E2F5: variants seen among roughly 807,000 people sequenced by gnomAD.
E2F5 encodes E2F transcription factor 5.
In E2F5, 23 loss-of-function variants were observed where a neutral mutation model predicts 39.1. The observed-to-expected ratio is 0.59, with a 90% CI of 0.42 to 0.83. E2F5 has a LOEUF of 0.83. Among genes scored for constraint, E2F5 ranks in the 40% least tolerant of loss-of-function variants. The pLI is 0.00. For missense variants in E2F5, 365 were observed against 406.7 expected, an observed-to-expected ratio of 0.90 and a Z score of 0.88; for synonymous variants, 145 against 157.8, an observed-to-expected ratio of 0.92 and a Z score of 0.61.
chr8:85,194,517 T>C lies in E2F5; in HGVS notation c.235-7630T>C, dbSNP rs114199072. 3.9e-3 allele frequency among the ~76,000 whole-genome samples: 595 copies of C among 151,284 alleles called. 4 individuals are homozygous for C. The highest frequency in any genetic ancestry group is 0.014 in the African/African-American group (558 of 41,254). ...TAACTTAGGTTTATCTCTTTGTTGTTTTTTTGTTTGTTTCTCTTTTTTTTT... is the reference window on the plus strand; with the variant it reads ...TAACTTAGGTTTATCTCTTTGTTGTCTTTTTGTTTGTTTCTCTTTTTTTTT... On this transcript the variant is annotated intron_variant, in intron 1 of 7. Coordinates refer to ENST00000416274, the MANE Select transcript of E2F5 (RefSeq NM_001951.4).
intron 1 of E2F5, among the ~76,000 whole-genome samples, chr8:85,195,049 C>T (rs1055921856): frequency 7.9e-5 from 12 of 151,856 alleles, no homozygotes; most frequent in Non-Finnish European, 1.5e-5. Context: ...ACCTCAGAGC[C>T]CATGTTCCTA....
intron 1 of E2F5, among the ~76,000 whole-genome samples, chr8:85,196,778 T>C (rs1812590721): frequency 6.6e-6 from 1 of 152,238 alleles, no homozygotes; most frequent in Non-Finnish European, 1.5e-5. Context: ...TGTAAGATTC[T>C]ATTACACAAT....
At position 85,177,500 on chromosome 8, in the gene E2F5, C is replaced by T. The variant is rs1321918731; in HGVS notation, c.80C>T (p.Pro27Leu). Residue 27 changes from proline to leucine, a missense_variant, in exon 1 of 8, where the codon CCT becomes CTT. Transcript: ENST00000416274. The stretch of plus-strand genomic sequence containing the variant: ...CAGGGCCAGCGGCCGCCGCCGCAGC[C>T]TCCGCAGGCGCAAGCCCCGCAGCCG... ...QGQGQRPPPQ[P>L]PQAQAPQPPP... 3 of 1,077,868 alleles carry T rather than the reference C, an allele frequency of 2.8e-6. No homozygotes were observed. Among genetic ancestry groups the T allele is most frequent in the African/African-American group, 3.4e-5 (2 of 59,170 alleles). The allele number at this position is 1,077,868 out of a possible 1,614,324, so 66.8% of individuals were successfully genotyped here. A position where few individuals can be genotyped will look rare whatever the true frequency, so the allele number is the denominator to read the frequency against.
chr8:85,203,662 G>A (rs4150944), intron 3 of E2F5, among the ~76,000 whole-genome samples: 65,628 of 151,220 alleles, frequency 0.43, 17,600 homozygotes, highest in Non-Finnish European at 0.57. Context: ...AAAATTTTTC[G>A]TTTAAAGATG....
At chr8:85,202,579 AG>A (rs1812718753) in intron 2 of E2F5, among the ~76,000 whole-genome samples, 1 of 152,244 alleles carries the variant, frequency 6.6e-6, no homozygotes, top group South Asian at 2.1e-4. Context: ...CTACTTTCAT[AG>A]GAATTTGTAC....
chr8:85,193,487 G>A (rs537711517), intron 1 of E2F5, among the ~76,000 whole-genome samples: 2 of 152,026 alleles, frequency 1.3e-5, no homozygotes, highest in African/African-American at 2.4e-5. Context: ...TCAATCAATC[G>A]ATCAATCAAT....
At chr8:85,209,051 C>A (rs1812859415) in intron 5 of E2F5, 91 bp from the exon 6 acceptor site, 2 of 1,282,422 alleles carry the variant, frequency 1.6e-6, no homozygotes, top group South Asian at 1.4e-5. Flanking sequence ...TTTAGTAAGT[C>A]CCTAATAGCT....
chr8:85,209,603 C>T (rs904728415), intron 6 of E2F5, among the ~76,000 whole-genome samples, 194 bp downstream of exon 6: 2 of 152,310 alleles, frequency 1.3e-5, no homozygotes, highest in African/African-American at 4.8e-5. Context: ...TTCATACACA[C>T]CTTATTCACA....
intron 1 of E2F5, among the ~76,000 whole-genome samples, chr8:85,179,668 T>C (rs1317535300): frequency 6.6e-6 from 1 of 151,940 alleles, no homozygotes; most frequent in East Asian, 1.9e-4. Flanking sequence ...ATCTTTTTTT[T>C]TTCTTTTTTG....
Position 85,197,228 on chromosome 8 carries a change from A to T in E2F5, c.235-4919A>T, listed in dbSNP as rs577084054. Among the ~76,000 whole-genome samples the T allele has an allele frequency of 2.0e-5, 3 of 152,326 alleles. No individual in the cohort carries two copies. In the East Asian group the frequency reaches 5.8e-4, roughly 29 times the overall value. ...AAAGTACCTGCTTTGCAGGTGAAGAACCTGAAAGACAGGATGTTTCCTATT... is the reference window on the plus strand; with the variant it reads ...AAAGTACCTGCTTTGCAGGTGAAGATCCTGAAAGACAGGATGTTTCCTATT... On this transcript the variant is annotated intron_variant, in intron 1 of 7. Transcript: ENST00000416274.
chr8:85,179,855 T>C (rs930255178), intron 1 of E2F5, among the ~76,000 whole-genome samples: 8 of 151,924 alleles, frequency 5.3e-5, no homozygotes, highest in Non-Finnish European at 1.2e-4. Flanking sequence ...AGAGACAGGG[T>C]TTCACTGTGT....
At chr8:85,192,643 G>A (rs1370885247) in intron 1 of E2F5, among the ~76,000 whole-genome samples, 2 of 152,184 alleles carry the variant, frequency 1.3e-5, no homozygotes, top group Non-Finnish European at 2.9e-5. Context: ...GGTAATTAAT[G>A]TTCCAGAAAA....
At chr8:85,196,418 A>C (rs1812581083) in intron 1 of E2F5, among the ~76,000 whole-genome samples, 4 of 152,132 alleles carry the variant, frequency 2.6e-5, no homozygotes, top group Admixed American at 2.6e-4. Context: ...ACATGTATGC[A>C]ATTTTTTGTT....
intron 1 of E2F5, among the ~76,000 whole-genome samples, chr8:85,193,862 T>A (rs764100537): frequency 6.6e-6 from 1 of 152,220 alleles, no homozygotes; most frequent in African/African-American, 2.4e-5. Flanking sequence ...TACCACACTT[T>A]GCTTATGAAT....
At chr8:85,182,854 T>C (rs1317488938) in intron 1 of E2F5, among the ~76,000 whole-genome samples, 1 of 152,234 alleles carries the variant, frequency 6.6e-6, no homozygotes, top group Non-Finnish European at 1.5e-5. Flanking sequence ...GAATTATACC[T>C]GAATTAATGT....
chr8:85,205,532 C>A (rs1001327659), intron 3 of E2F5, among the ~76,000 whole-genome samples: 3 of 152,012 alleles, frequency 2.0e-5, no homozygotes, highest in East Asian at 2.0e-4. Flanking sequence ...AAGTGATCCA[C>A]CTGCCTCGGC....
chr8:85,191,537 AAT>A (rs1443714893), intron 1 of E2F5, among the ~76,000 whole-genome samples: 1 of 152,206 alleles, frequency 6.6e-6, no homozygotes, highest in Non-Finnish European at 1.5e-5. Flanking sequence ...TTTTGTAAAC[AAT>A]ATATATGATT....
intron 1 of E2F5, among the ~76,000 whole-genome samples, chr8:85,186,676 A>T (rs1228607587): frequency 1.4e-5 from 2 of 147,138 alleles, no homozygotes; most frequent in Admixed American, 1.4e-4. Flanking sequence ...TATATATGTA[A>T]GGTATATATG....
chr8:85,214,480 A>T lies in E2F5; in HGVS notation c.*618A>T. ...TAAAATGTGCCAATGCCTGTACATT[A>T]ACAAGATTTTTAAAAATAAAATTGT... On this transcript the variant is annotated 3_prime_UTR_variant, in exon 8 of 8. Transcript: ENST00000416274. 1.0e-6 allele frequency: 1 copy of T among 1,003,748 alleles called. No individual in the cohort carries two copies. Among genetic ancestry groups the T allele is most frequent in the Non-Finnish European group, 1.6e-6 (1 of 642,732 alleles). The allele number at this position is 1,003,748 out of a possible 1,614,324, so 62.2% of individuals were successfully genotyped here. A position where few individuals can be genotyped will look rare whatever the true frequency, so the allele number is the denominator to read the frequency against.
Sources: allele counts gnomAD v4.1 joint callset (sites outside exome capture counted in the v4.1 genomes callset), GRCh38; gene constraint gnomAD v4.1.1; transcripts MANE v1.5; gene names NCBI Gene and HGNC (gene_info 2026-07-23, HGNC 2026-07-21).